The following C4orf50 variants were observed in gnomAD, a reference collection of about 807,000 sequenced individuals.
The protein encoded by C4orf50 is chromosome 4 open reading frame 50.
In C4orf50, 80 loss-of-function variants were observed where a neutral mutation model predicts 77.2. That is an observed-to-expected ratio of 1.04 (90% CI 0.87 to 1.25). C4orf50 has a LOEUF of 1.25. Ranked by LOEUF, C4orf50 falls within the 50% of genes most tolerant of loss-of-function variation. C4orf50 has a pLI of 0.00. For missense variants in C4orf50, 1,257 were observed against 1,152.9 expected (o/e 1.09, Z -1.31); for synonymous variants, 532 against 465.3 (o/e 1.14, Z -1.84).
At chr4:5,989,064 A>G (rs2016083) in exon 28 of C4orf50, 890,303 of 1,535,658 alleles carry the variant, frequency 0.58, 263,374 homozygotes, top group East Asian at 0.9. Flanking sequence ...GTAAATATTG[A>G]TCCAGTTCTT....
rs1716344294 is a variant in C4orf50 at position 5,901,524 on chromosome 4, GA to G, written c.*2475-3337del. 6.6e-6 allele frequency: 1 copy of G among 152,216 alleles called. No individual in the cohort carries two copies. Among genetic ancestry groups the G allele is most frequent in the African/African-American group, 2.4e-5 (1 of 41,454 alleles). The allele number at this position is 152,216 out of a possible 1,614,324, so 9.4% of individuals were successfully genotyped here. A position where few individuals can be genotyped will look rare whatever the true frequency, so the allele number is the denominator to read the frequency against. On this transcript the variant is annotated intron_variant, in intron 7 of 7. Coordinates refer to the C4orf50 transcript ENST00000324058. The surrounding 1 kb of genome is among the most constrained non-coding windows in gnomAD (Gnocchi z 4.4). ...TCGGGTGGTCTCTGTCATCTCTCTA[GA>G]AGAAAGTCAAATAACACCAATCCTG...
intron 7 of C4orf50, chr4:5,904,711 T>A (rs1254958882): frequency 2.0e-5 from 3 of 152,174 alleles, no homozygotes; most frequent in East Asian, 3.9e-4. Context: ...TCTGATGAAA[T>A]CCATGCTCCT....
rs533092354 is a variant in C4orf50, at chr4:6,009,236, G to A, written c.427-704C>T. ...ATCTGCCTCCTCCCACCCACGGGCC[G>A]TGAGCTGGACTGGGGTGCACAACCC... On this transcript the variant is annotated intron_variant, in intron 24 of 33. Transcript: ENST00000531445. The surrounding 1 kb of genome is among the most constrained non-coding windows in gnomAD (Gnocchi z 5.6). Among the ~76,000 whole-genome samples the A allele has an allele frequency of 1.3e-5, 2 of 152,292 alleles. No individual in the cohort carries two copies. The highest frequency in any genetic ancestry group is 1.9e-4 in the East Asian group (1 of 5,176).
chr4:5,954,928 C>G (rs979961669), downstream of C4orf50, among the ~76,000 whole-genome samples: 3 of 152,082 alleles, frequency 2.0e-5, no homozygotes, highest in Non-Finnish European at 4.4e-5. The surrounding 1 kb of genome is among the most constrained non-coding windows in gnomAD (Gnocchi z 4.7). Flanking sequence ...AGGATTAAAG[C>G]TGAGAAGGAA....
intron 33 of C4orf50, 148 bp downstream of exon 11, chr4:5,964,876 G>T: frequency 1.6e-6 from 1 of 617,322 alleles, no homozygotes; most frequent in Non-Finnish European, 2.8e-6. Context: ...AAACCAGGGG[G>T]CTGTTCGGGA....
chr4:5,924,120 T>C (rs1295111503), intron 7 of C4orf50, among the ~76,000 whole-genome samples: 1 of 152,198 alleles, frequency 6.6e-6, no homozygotes, highest in East Asian at 1.9e-4. Flanking sequence ...TTCCCTGCTT[T>C]TGAGGTTTTG....
rs1055617570 is a variant in C4orf50 at position 5,908,374 on chromosome 4, G to A, written c.*2475-10186C>T. Among the ~76,000 whole-genome samples the A allele has an allele frequency of 6.6e-6, 1 of 152,152 alleles. No individual in the cohort carries two copies. Among genetic ancestry groups the A allele is most frequent in the Non-Finnish European group, 1.5e-5 (1 of 68,036 alleles). ...CACTGCACTGCACTGCATGTGTGGG[G>A]ATATCAGAGAGGACCTCTGACTTCA... On this transcript the variant is annotated intron_variant, in intron 7 of 7. Coordinates refer to the C4orf50 transcript ENST00000324058. This position sits in a 1 kb window ranked among gnomAD's most constrained non-coding sequence, Gnocchi z 5.6.
intron 7 of C4orf50, among the ~76,000 whole-genome samples, chr4:5,922,076 C>T (rs1206765793): frequency 6.6e-6 from 1 of 152,162 alleles, no homozygotes; most frequent in African/African-American, 2.4e-5. Flanking sequence ...AGAGGAGATA[C>T]ACACTTGAGA....
intron 7 of C4orf50, among the ~76,000 whole-genome samples, chr4:5,934,608 C>A (rs1437439220): frequency 6.6e-6 from 1 of 152,204 alleles, no homozygotes; most frequent in Non-Finnish European, 1.5e-5. Flanking sequence ...CAGCTCCAAA[C>A]CACCTGCCCC....
intron 7 of C4orf50, among the ~76,000 whole-genome samples, chr4:5,917,042 G>C (rs1717057209): frequency 6.6e-6 from 1 of 152,302 alleles, no homozygotes; most frequent in Middle Eastern, 3.4e-3. Context: ...CAGGAAAGTG[G>C]ATCCAAGATT....
rs557731176 is a variant in C4orf50, at chr4:5,957,892, G to A, written c.*1483C>T. 2.0e-5 allele frequency: 3 copies of A among 152,252 alleles called. No individual in the cohort carries two copies. The East Asian group carries it at 5.8e-4, about 30-fold the overall frequency. 9.4% of individuals were successfully genotyped at this position (152,252 alleles called of 1,614,324 possible). The stretch of plus-strand genomic sequence containing the variant: ...TTGTACAACATAAGTCACATGAGAT[G>A]TTAACATCAAGGGAAGCCCGGGGAA... On this transcript the variant is annotated 3_prime_UTR_variant, in exon 34 of 34. Transcript: ENST00000531445.
At chr4:5,898,172 G>C (rs1716205764) in exon 8 of C4orf50, 1 of 152,154 alleles carries the variant, frequency 6.6e-6, no homozygotes, top group Non-Finnish European at 1.5e-5. Context: ...GTCCACAGAG[G>C]TTCTACCAAA....
At chr4:5,914,500 G>T (rs1716952488) in intron 7 of C4orf50, among the ~76,000 whole-genome samples, 1 of 152,032 alleles carries the variant, frequency 6.6e-6, no homozygotes, top group African/African-American at 2.4e-5. Flanking sequence ...CACCGCGCCT[G>T]GCCTTTTATG....
chr4:5,964,905 C>A, intron 33 of C4orf50, 119 bp downstream of exon 11: 119 of 801,356 alleles, frequency 1.5e-4, no homozygotes, highest in East Asian at 6.3e-4. Context: ...TGTTCTATTT[C>A]TTGACCTGGT....
rs1461644187 is a variant in C4orf50, at chr4:5,919,190, C to T, written c.*2475-21002G>A. ...GCAGGACTCCTCTCTCATTCAGGGC[C>T]CCTGGCTGTGCCATTTCCGGAGCTG... On this transcript the variant is annotated intron_variant, in intron 7 of 7. Transcript: ENST00000324058. This position sits in a 1 kb window ranked among gnomAD's most constrained non-coding sequence, Gnocchi z 6.5. Among the ~76,000 whole-genome samples the T allele has an allele frequency of 6.6e-6, 1 of 152,124 alleles. No individual in the cohort carries two copies. The highest frequency in any genetic ancestry group is 2.4e-5 in the African/African-American group (1 of 41,440).
At position 5,968,786 on chromosome 4, in the gene C4orf50, G is replaced by C. The variant is rs190496512; in HGVS notation, c.4105-1324C>G. ...TCAGGTGTCTCCTCATTAGACAGAG[G>C]CTCCTTCAACGCGAGACTGGGGTTT... On this transcript the variant is annotated intron_variant, in intron 31 of 33. Coordinates refer to ENST00000531445, the Ensembl canonical transcript of C4orf50. Among the ~76,000 whole-genome samples the C allele has an allele frequency of 4.1e-4, 63 of 152,266 alleles. 1 individual carries two copies. The highest frequency in any genetic ancestry group is 3.5e-3 in the East Asian group (18 of 5,188).
chr4:5,986,572 T>A (rs1720873871), intron 28 of C4orf50, among the ~76,000 whole-genome samples: 1 of 150,770 alleles, frequency 6.6e-6, no homozygotes, highest in Non-Finnish European at 1.5e-5. Context: ...AGAGTCTTGC[T>A]CTGTTGCCCA....
intron 7 of C4orf50, among the ~76,000 whole-genome samples, chr4:5,937,027 T>C (rs989162526): frequency 1.4e-5 from 2 of 147,294 alleles, no homozygotes; most frequent in Non-Finnish European, 3.0e-5. Context: ...CACCTAACCA[T>C]AAAAAAAAAA....
Position 5,989,612 on chromosome 4 carries a change from C to T in C4orf50, c.2434G>A (p.Ala812Thr), listed in dbSNP as rs754113543. The change falls in exon 28 of 34, where the codon GCT becomes ACT. Residue 812 changes from alanine to threonine, a missense_variant. By Grantham distance (58) the Ala-to-Thr change is moderately conservative (BLOSUM62 0). Coordinates refer to ENST00000531445, the Ensembl canonical transcript of C4orf50. ...AGGGTGGACAGCTGCTGGAAACAAG[C>T]CTCCACGTCCTGTGCAAGCTCATCG... The T allele has an allele frequency of 2.6e-6, 4 of 1,536,148 alleles. No individual in the cohort carries two copies. In the South Asian group the frequency reaches 3.6e-5, roughly 14 times the overall value.
Sources: gnomAD v4.1 joint callset for allele counts (sites outside exome capture counted in the v4.1 genomes callset) on GRCh38, gnomAD v4.1.1 for gene constraint, Gnocchi (gnomAD v3.1) non-coding constraint, MANE v1.5 for transcripts, NCBI Gene and HGNC (gene_info 2026-07-23, HGNC 2026-07-21) for gene names.